Variants in GRIK3 observed in about 807,000 individuals in gnomAD.
GRIK3 encodes glutamate receptor ionotropic, kainate 3.
Under a neutral mutation model 102.5 loss-of-function variants are expected in GRIK3, and 29 were observed. The ratio of observed to expected loss-of-function variants is 0.28; its 90% CI spans 0.21 to 0.39. The LOEUF (loss-of-function observed/expected upper bound fraction) is 0.39. GRIK3 is among the 10% of genes least tolerant of loss of function. GRIK3 has a pLI of 1.00. For synonymous variants in GRIK3, 511 were observed against 504.9 expected, an observed-to-expected ratio of 1.01 and a Z score of -0.16; for missense variants, 908 against 1,252.4, an observed-to-expected ratio of 0.73 and a Z score of 4.15.
In GRIK3 at chr1:36,801,963, GGAGGCT is replaced by G; in HGVS notation, c.2642_2647del (p.Gln881_Pro882del). 3 of 1,614,012 alleles carry G rather than the reference GGAGGCT, an allele frequency of 1.9e-6. No homozygotes were observed. Among genetic ancestry groups the G allele is most frequent in the Non-Finnish European group, 2.5e-6 (3 of 1,179,952 alleles). On this transcript the variant is annotated inframe_deletion, in exon 16 of 16. Coordinates refer to ENST00000373091, the MANE Select transcript of GRIK3 (RefSeq NM_000831.4). ...GACGGCGTCAGTCTTGACCATCATGGGAGGCTGAGGCTTGTGCTTGACTCGACGCTG... is the reference window on the plus strand; with the variant it reads ...GACGGCGTCAGTCTTGACCATCATGGGAGGCTTGTGCTTGACTCGACGCTG...
At chr1:36,834,848 C>A (rs932467915) in intron 10 of GRIK3, among the ~76,000 whole-genome samples, 2 of 152,216 alleles carry the variant, frequency 1.3e-5, no homozygotes, top group African/African-American at 4.8e-5. Flanking sequence ...CAGCCCCAGC[C>A]AGGCCCTGAC....
chr1:36,909,254 T>A (rs142240789), intron 1 of GRIK3, among the ~76,000 whole-genome samples: 87 of 151,706 alleles, frequency 5.7e-4, no homozygotes, highest in Middle Eastern at 3.4e-3. Context: ...ATAGTGAGAG[T>A]ATTTACACCA....
intron 8 of GRIK3, among the ~76,000 whole-genome samples, chr1:36,853,162 T>C (rs1469842156): frequency 1.3e-5 from 2 of 152,220 alleles, no homozygotes; most frequent in African/African-American, 4.8e-5. Context: ...TGCTTAAATG[T>C]CTCCAGTGAC....
At chr1:36,889,519 G>T (rs1222329674) in intron 2 of GRIK3, among the ~76,000 whole-genome samples, 2 of 152,092 alleles carry the variant, frequency 1.3e-5, no homozygotes, top group East Asian at 1.9e-4. Flanking sequence ...AAGAAAGCAA[G>T]TCATGTCATC....
intron 1 of GRIK3, among the ~76,000 whole-genome samples, chr1:37,028,289 T>C (rs1642784187): frequency 6.6e-6 from 1 of 151,986 alleles, no homozygotes; most frequent in Non-Finnish European, 1.5e-5. Flanking sequence ...AGTGGGGACA[T>C]GTAGACTACA....
At chr1:36,993,723 C>G (rs929338437) in intron 1 of GRIK3, among the ~76,000 whole-genome samples, 1 of 152,174 alleles carries the variant, frequency 6.6e-6, no homozygotes, top group Non-Finnish European at 1.5e-5. Flanking sequence ...TCAGCCAGCA[C>G]CTGCTTTTAG....
At chr1:36,925,549 G>C (rs1296352726) in intron 1 of GRIK3, among the ~76,000 whole-genome samples, 1 of 152,276 alleles carries the variant, frequency 6.6e-6, no homozygotes, top group East Asian at 1.9e-4. Flanking sequence ...ATGTTGTGTA[G>C]AAACAGACAA....
chr1:36,929,482 C>A (rs1360301252), intron 1 of GRIK3, among the ~76,000 whole-genome samples: 4 of 152,180 alleles, frequency 2.6e-5, no homozygotes, highest in Non-Finnish European at 5.9e-5. Flanking sequence ...CAGTAATTCC[C>A]AAACCACATT....
intron 1 of GRIK3, among the ~76,000 whole-genome samples, chr1:37,018,485 C>A (rs1308200737): frequency 6.6e-6 from 1 of 152,212 alleles, no homozygotes; most frequent in African/African-American, 2.4e-5. Flanking sequence ...CCTCCAAATT[C>A]TGGTCTCTGA....
chr1:36,821,347 TGAGAAGG>T (rs1642693331), intron 11 of GRIK3, among the ~76,000 whole-genome samples: 1 of 152,102 alleles, frequency 6.6e-6, no homozygotes, highest in Non-Finnish European at 1.5e-5. Flanking sequence ...GAGGCTATTG[TGAGAAGG>T]GTTTTTGGAG....
chr1:36,858,301 C>T (rs1293607607), intron 7 of GRIK3, among the ~76,000 whole-genome samples: 1 of 152,198 alleles, frequency 6.6e-6, no homozygotes, highest in Non-Finnish European at 1.5e-5. Flanking sequence ...TACTGAAGAT[C>T]AAAGAGTTAA....
At chr1:36,965,144 T>C (rs1393074646) in intron 1 of GRIK3, among the ~76,000 whole-genome samples, 1 of 152,156 alleles carries the variant, frequency 6.6e-6, no homozygotes, top group African/African-American at 2.4e-5. Context: ...GGCAAGTCAC[T>C]TAACCATCCT....
rs764975433 is a variant in GRIK3 at position 36,880,627 on chromosome 1, C to T, written c.550+7G>A. The T allele has an allele frequency of 8.7e-6, 14 of 1,613,484 alleles. No homozygotes were observed. Among genetic ancestry groups the T allele is most frequent in the African/African-American group, 1.3e-5 (1 of 74,926 alleles). On this transcript the variant is annotated splice_region_variant and intron_variant, in intron 3 of 15. Coordinates refer to ENST00000373091, the MANE Select transcript of GRIK3 (RefSeq NM_000831.4). The surrounding 1 kb of genome is among the most constrained non-coding windows in gnomAD (Gnocchi z 5.4). Reference sequence around the variant, plus strand: ...TGCCCCCAGCCTAGCCAGGCCTGGCCACCCACCTGTACTGTCGTCATAGAC... The same window carrying T: ...TGCCCCCAGCCTAGCCAGGCCTGGCTACCCACCTGTACTGTCGTCATAGAC...
chr1:37,023,200 A>C (rs1642734180), intron 1 of GRIK3, among the ~76,000 whole-genome samples: 1 of 151,806 alleles, frequency 6.6e-6, no homozygotes, highest in Non-Finnish European at 1.5e-5. Flanking sequence ...GGTGGCATGC[A>C]CCTGTAGTCC....
chr1:36,854,442 G>A (rs562517600), intron 7 of GRIK3, among the ~76,000 whole-genome samples: 28 of 152,214 alleles, frequency 1.8e-4, no homozygotes, highest in South Asian at 1.7e-3. Flanking sequence ...TTTTTGTATC[G>A]TCATTAGCGT....
At chr1:36,808,729 C>T (rs1012592304) in intron 13 of GRIK3, among the ~76,000 whole-genome samples, 2 of 152,210 alleles carry the variant, frequency 1.3e-5, no homozygotes, top group East Asian at 3.8e-4. Flanking sequence ...AGATTCCTGA[C>T]CCACAAGCTG....
intron 1 of GRIK3, among the ~76,000 whole-genome samples, chr1:36,911,444 G>A (rs1450419855): frequency 6.6e-6 from 1 of 152,198 alleles, no homozygotes; most frequent in African/African-American, 2.4e-5. Context: ...CACATTGTAT[G>A]CCTTTGATAA....
chr1:36,809,155 A>ATCCG (rs1250771533), intron 13 of GRIK3, among the ~76,000 whole-genome samples: 1 of 150,774 alleles, frequency 6.6e-6, no homozygotes, highest in African/African-American at 2.4e-5. Context: ...CCATCAACCC[A>ATCCG]TCCATCCATC....
intron 1 of GRIK3, among the ~76,000 whole-genome samples, chr1:36,901,683 C>G (rs898529412): frequency 2.0e-5 from 3 of 152,160 alleles, no homozygotes; most frequent in African/African-American, 7.2e-5. Context: ...GTCCCCTCTC[C>G]CACTGCTTTT....
Sources: gnomAD v4.1 joint callset for allele counts (sites outside exome capture counted in the v4.1 genomes callset) on GRCh38, gnomAD v4.1.1 for gene constraint, Gnocchi (gnomAD v3.1) non-coding constraint, MANE v1.5 for transcripts, NCBI Gene and HGNC (gene_info 2026-07-23, HGNC 2026-07-21) for gene names.